The following MDM4 variants were observed in gnomAD, a reference collection of about 807,000 sequenced individuals.
The protein encoded by MDM4 is MDM4 regulator of p53, also known as protein Mdm4.
Under a neutral mutation model 60.2 loss-of-function variants are expected in MDM4, and 2 were observed. The observed-to-expected ratio is 0.03, with a 90% CI of 0.01 to 0.10. The LOEUF (loss-of-function observed/expected upper bound fraction) is 0.10. Among genes scored for constraint, MDM4 ranks in the 10% least tolerant of loss-of-function variants. The pLI is 1.00. For synonymous variants in MDM4, 202 were observed against 198.1 expected, an observed-to-expected ratio of 1.02 and a Z score of -0.17; for missense variants, 447 against 577.5, an observed-to-expected ratio of 0.77 and a Z score of 2.32.
intron 5 of MDM4, among the ~76,000 whole-genome samples, chr1:204,534,574 G>A (rs1251104247): frequency 1.3e-5 from 2 of 151,958 alleles, no homozygotes; most frequent in East Asian, 1.9e-4. Flanking sequence ...TGCAACCTCC[G>A]CCTCCGTGGC....
Position 204,524,922 on chromosome 1 carries a change from C to T in MDM4, c.-35-562C>T, listed in dbSNP as rs184520227. 5.9e-5 allele frequency among the ~76,000 whole-genome samples: 9 copies of T among 152,176 alleles called. No homozygotes were observed. In the East Asian group the frequency reaches 1.5e-3, roughly 26 times the overall value. The stretch of plus-strand genomic sequence containing the variant: ...TTTCTTTGATGGTATATGTCCATCT[C>T]GGTTTAACCCATTTTGTAGGTTTGT... On this transcript the variant is annotated intron_variant, in intron 1 of 10. Coordinates refer to ENST00000367182, the MANE Select transcript of MDM4 (RefSeq NM_002393.5).
intron 5 of MDM4, among the ~76,000 whole-genome samples, chr1:204,535,564 C>T (rs997624599): frequency 4.6e-5 from 7 of 152,042 alleles, no homozygotes; most frequent in African/African-American, 1.7e-4. Flanking sequence ...GACTGAGTCT[C>T]GCTTTGTCGA....
intron 1 of MDM4, among the ~76,000 whole-genome samples, chr1:204,519,796 A>G (rs1659373129): frequency 6.6e-6 from 1 of 152,186 alleles, no homozygotes; most frequent in African/African-American, 2.4e-5. Context: ...CCTGGGCGAC[A>G]GAGTGAGACC....
At chr1:204,517,539 G>A (rs1453604473) in intron 1 of MDM4, among the ~76,000 whole-genome samples, 1 of 151,886 alleles carries the variant, frequency 6.6e-6, no homozygotes, top group African/African-American at 2.4e-5. Flanking sequence ...GGGTCGCTGG[G>A]ATTACAGGTG....
chr1:204,557,654 G>A lies in MDM4; in HGVS notation c.*7972G>A, dbSNP rs1035475137. 2.2e-5 allele frequency: 4 copies of A among 177,856 alleles called. No individual in the cohort carries two copies. Among genetic ancestry groups the A allele is most frequent in the African/African-American group, 9.5e-5 (4 of 42,244 alleles). 11.0% of individuals were successfully genotyped at this position (177,856 alleles called of 1,614,324 possible). On this transcript the variant is annotated 3_prime_UTR_variant, in exon 11 of 11. Coordinates refer to ENST00000367182, the MANE Select transcript of MDM4 (RefSeq NM_002393.5). ...TGACCTCAGGCGATCTGCCCGCCTT[G>A]GCCTCCCAAAGTACTGGGATTACAG...
In MDM4 at chr1:204,553,361, C is replaced by T. The variant is rs10900597; in HGVS notation, c.*3679C>T. 128,172 of 223,608 alleles carry T rather than the reference C, an allele frequency of 0.57. 40,937 individuals carry two copies. Among genetic ancestry groups the T allele is most frequent in the East Asian group, 0.71 (10,934 of 15,422 alleles). 13.9% of individuals were successfully genotyped at this position (223,608 alleles called of 1,614,324 possible). A position where few individuals can be genotyped will look rare whatever the true frequency, so the allele number is the denominator to read the frequency against. On this transcript the variant is annotated 3_prime_UTR_variant, in exon 11 of 11. Coordinates refer to ENST00000367182, the MANE Select transcript of MDM4 (RefSeq NM_002393.5). ...TAGCTGTAGTTATTGGGACCATGTG[C>T]TCTGGTTTTCTGGAGACTGCCAAAT...
rs763865622 is a variant in MDM4 at position 204,551,795 on chromosome 1, A to C, written c.*2113A>C. 8.9e-6 allele frequency: 2 copies of C among 224,270 alleles called. No individual in the cohort carries two copies. The highest frequency in any genetic ancestry group is 1.8e-5 in the Non-Finnish European group (2 of 112,614). 13.9% of individuals were successfully genotyped at this position (224,270 alleles called of 1,614,324 possible). A position where few individuals can be genotyped will look rare whatever the true frequency, so the allele number is the denominator to read the frequency against. On this transcript the variant is annotated 3_prime_UTR_variant, in exon 11 of 11. Coordinates refer to ENST00000367182, the MANE Select transcript of MDM4 (RefSeq NM_002393.5). ...GCAGAGACTGATCTTTGAGATCTGG[A>C]CCAGGAATTTGCATTTGAACAAGTG...
intron 3 of MDM4, among the ~76,000 whole-genome samples, chr1:204,528,464 C>G (rs775823287): frequency 7.2e-5 from 11 of 152,164 alleles, no homozygotes; most frequent in Non-Finnish European, 1.3e-4. Flanking sequence ...AACACAGGTG[C>G]TAATGGTAAC....
chr1:204,529,033 T>G, intron 3 of MDM4: 2 of 1,505,506 alleles, frequency 1.3e-6, no homozygotes, highest in Non-Finnish European at 1.8e-6. Flanking sequence ...AGTAGCTGGG[T>G]GAACTGGGGG....
At chr1:204,532,068 G>T in intron 4 of MDM4, 123 bp from the exon 5 acceptor site, 1 of 585,336 alleles carries the variant, frequency 1.7e-6, no homozygotes, top group Non-Finnish European at 3.0e-6. Flanking sequence ...TTCTGCCTTT[G>T]TATGCCTTAC....
intron 1 of MDM4, among the ~76,000 whole-genome samples, chr1:204,516,859 G>C (rs1248895361): frequency 6.6e-6 from 1 of 152,234 alleles, no homozygotes; most frequent in African/African-American, 2.4e-5. Context: ...GAACCGGGTA[G>C]AATGACATTG....
intron 9 of MDM4, among the ~76,000 whole-genome samples, chr1:204,546,574 G>A (rs1662682917): frequency 6.6e-6 from 1 of 152,118 alleles, no homozygotes; most frequent in Admixed American, 6.6e-5. Context: ...AATTTATTTG[G>A]TAACTCTTCT....
rs1349484367 is a variant in MDM4 at position 204,542,915 on chromosome 1, A to C, written c.643A>C (p.Asn215His). The C allele has an allele frequency of 6.2e-7, 1 of 1,611,980 alleles. No individual in the cohort carries two copies. Among genetic ancestry groups the C allele is most frequent in the African/African-American group, 1.3e-5 (1 of 74,854 alleles). ...GAGAAGCAACTATACACCTAGAAGT[A>C]ATGGCTCAACTGATTTACAGACAAA... ...NLRSNYTPRS[N>H]GSTDLQTNQD... Residue 215 changes from asparagine (N) to histidine (H), a missense_variant, in exon 8 of 11, where the codon AAT (asparagine) becomes CAT (histidine). Around this residue, in one of 8 missense-constraint regions of MDM4, gnomAD observed 184 missense variants for 179.3 expected, o/e 1.03. Transcript: ENST00000367182.
rs956846679 is a variant in MDM4, at chr1:204,552,779, G to A, written c.*3097G>A. 5 of 183,766 alleles carry A rather than the reference G, an allele frequency of 2.7e-5. No homozygotes were observed. The highest frequency in any genetic ancestry group is 5.8e-5 in the Non-Finnish European group (5 of 86,752). 11.4% of individuals were successfully genotyped at this position (183,766 alleles called of 1,614,324 possible). On this transcript the variant is annotated 3_prime_UTR_variant, in exon 11 of 11. Coordinates refer to ENST00000367182, the MANE Select transcript of MDM4 (RefSeq NM_002393.5). ...CCCACCGGGGTTTTTCACTGCTTCT[G>A]TTAGCACTAAGTACTTAGACGATCC...
chr1:204,525,150 T>G (rs1005033716), intron 1 of MDM4, among the ~76,000 whole-genome samples: 2 of 152,206 alleles, frequency 1.3e-5, no homozygotes, highest in African/African-American at 2.4e-5. Context: ...TAGAGAGTGC[T>G]CTACCTGATA....
At chr1:204,537,757 A>C (rs1243582555) in intron 6 of MDM4, 2 of 603,380 alleles carry the variant, frequency 3.3e-6, no homozygotes, top group African/African-American at 3.7e-5. Flanking sequence ...GTTTGTGTGT[A>C]CCTGTGTGTG....
intron 3 of MDM4, chr1:204,529,323 G>A (rs752631488): frequency 2.0e-5 from 16 of 780,978 alleles, no homozygotes; most frequent in East Asian, 4.9e-5. Context: ...CAGAGTCACC[G>A]ACTGGAACCA....
At chr1:204,529,727 T>TA in intron 3 of MDM4, 1 of 506,714 alleles carries the variant, frequency 2.0e-6, no homozygotes, top group Non-Finnish European at 3.6e-6. Context: ...AGGCAAGGGG[T>TA]AAAGTCTGGA....
intron 1 of MDM4, among the ~76,000 whole-genome samples, chr1:204,523,297 G>A (rs1309304677): frequency 5.4e-5 from 8 of 148,634 alleles, no homozygotes; most frequent in East Asian, 4.1e-4. Context: ...GTGAAACCCC[G>A]TCTCTACTAA....
Sources: gnomAD v4.1 joint callset for allele counts (sites outside exome capture counted in the v4.1 genomes callset) on GRCh38, gnomAD v4.1.1 for gene constraint, gnomAD v4.1.1 regional missense constraint, MANE v1.5 for transcripts, NCBI Gene and HGNC (gene_info 2026-07-23, HGNC 2026-07-21) for gene names.